CDH8: variants seen among roughly 807,000 people sequenced by gnomAD.
CDH8 encodes cadherin-8.
CDH8 carries 17 observed loss-of-function variants against 68.1 expected under a neutral mutation model. The ratio of observed to expected loss-of-function variants is 0.25; its 90% CI spans 0.17 to 0.37. The LOEUF (loss-of-function observed/expected upper bound fraction) is 0.37, where lower values mean the gene tolerates loss of function less well. Ranked by LOEUF, CDH8 falls within the 10% of genes least tolerant of loss-of-function variation. The pLI, the probability that CDH8 is intolerant of heterozygous loss-of-function variation, is 1.00. For synonymous variants in CDH8, 372 were observed against 365.1 expected, an observed-to-expected ratio of 1.02 and a Z score of -0.21; for missense variants, 763 against 999.3, an observed-to-expected ratio of 0.76 and a Z score of 3.19.
At chr16:61,908,613 G>C (rs922062342) in intron 2 of CDH8, among the ~76,000 whole-genome samples, 1 of 152,146 alleles carries the variant, frequency 6.6e-6, no homozygotes, top group African/African-American at 2.4e-5. Context: ...AGGGAGAACT[G>C]AACACCCACT....
chr16:61,788,574 A>G (rs565964140), intron 8 of CDH8, among the ~76,000 whole-genome samples: 20 of 152,160 alleles, frequency 1.3e-4, no homozygotes, highest in Middle Eastern at 3.4e-3. Context: ...TTTGTATAAT[A>G]AAAGTTGATA....
At chr16:61,661,922 C>G (rs772559447) in intron 10 of CDH8, among the ~76,000 whole-genome samples, 67 of 151,452 alleles carry the variant, frequency 4.4e-4, no homozygotes, top group Admixed American at 5.9e-4. Context: ...ATTTTGAGTA[C>G]AAGAAGTTAT....
Position 61,647,378 on chromosome 16 carries a change from T to C in CDH8, c.*6230A>G, listed in dbSNP as rs1396884042. 1 of 90,242 alleles carries C rather than the reference T, an allele frequency of 1.1e-5. No individual in the cohort carries two copies. Among genetic ancestry groups the C allele is most frequent in the East Asian group, 2.5e-4 (1 of 4,070 alleles). The allele number at this position is 90,242 out of a possible 1,614,324, so 5.6% of individuals were successfully genotyped here. A position where few individuals can be genotyped will look rare whatever the true frequency, so the allele number is the denominator to read the frequency against. On this transcript the variant is annotated 3_prime_UTR_variant, in exon 12 of 12. Transcript: ENST00000577390. ...ACTCAACAATCAGACTTGACAAAGA[T>C]GACAGCTCTCGAACTTTAGAGGTTA...
chr16:61,878,728 C>T (rs1306851178), intron 3 of CDH8, among the ~76,000 whole-genome samples: 1 of 152,138 alleles, frequency 6.6e-6, no homozygotes, highest in Non-Finnish European at 1.5e-5. Flanking sequence ...TATTGAATAT[C>T]TGCTAGGTGT....
At chr16:61,661,737 T>C (rs561023024) in intron 10 of CDH8, among the ~76,000 whole-genome samples, 1 of 151,764 alleles carries the variant, frequency 6.6e-6, no homozygotes, top group Admixed American at 6.6e-5. Context: ...AAATAAGGAT[T>C]TAAAGAGCAA....
intron 8 of CDH8, among the ~76,000 whole-genome samples, chr16:61,753,260 G>A (rs1960219802): frequency 6.9e-6 from 1 of 145,024 alleles, no homozygotes; most frequent in Non-Finnish European, 1.5e-5. Flanking sequence ...TTTTAATTGA[G>A]ATATGGTCTC....
chr16:62,029,852 C>T (rs561618115), intron 1 of CDH8, among the ~76,000 whole-genome samples: 1 of 152,296 alleles, frequency 6.6e-6, no homozygotes, highest in African/African-American at 2.4e-5. Flanking sequence ...TTGCAACTAA[C>T]TTTTTCTATT....
intron 8 of CDH8, 93 bp from the exon 9 acceptor site, chr16:61,727,308 A>G: frequency 1.5e-6 from 2 of 1,299,582 alleles, no homozygotes; most frequent in South Asian, 1.5e-5. Flanking sequence ...TCTGTTTCCA[A>G]CTTCCCTTAA....
chr16:61,996,999 G>A (rs1002604429), intron 2 of CDH8, among the ~76,000 whole-genome samples: 1 of 146,712 alleles, frequency 6.8e-6, no homozygotes, highest in Non-Finnish European at 1.5e-5. Context: ...AATATTGTGT[G>A]TATGTGTGTG....
At chr16:61,835,737 CA>C (rs1159166585) in intron 4 of CDH8, among the ~76,000 whole-genome samples, 2 of 151,834 alleles carry the variant, frequency 1.3e-5, no homozygotes, top group African/African-American at 2.4e-5. Context: ...GCCACAATTC[CA>C]ATAACTAATT....
intron 4 of CDH8, among the ~76,000 whole-genome samples, chr16:61,841,051 A>C (rs977959741): frequency 6.6e-6 from 1 of 152,226 alleles, no homozygotes; most frequent in African/African-American, 2.4e-5. Context: ...AAAACTTGCT[A>C]TGGCTGAAGA....
At chr16:61,826,071 T>C (rs1225758497) in intron 4 of CDH8, among the ~76,000 whole-genome samples, 3 of 151,830 alleles carry the variant, frequency 2.0e-5, no homozygotes, top group Non-Finnish European at 4.4e-5. Context: ...GCTGACATTT[T>C]GAGGCGCAAA....
intron 10 of CDH8, among the ~76,000 whole-genome samples, chr16:61,687,261 A>T (rs1964127893): frequency 6.6e-6 from 1 of 151,994 alleles, no homozygotes; most frequent in Non-Finnish European, 1.5e-5. Flanking sequence ...GCCAAAAAAA[A>T]ATCGGTCACA....
At chr16:61,704,968 T>C (rs923239324) in intron 10 of CDH8, among the ~76,000 whole-genome samples, 7 of 152,152 alleles carry the variant, frequency 4.6e-5, no homozygotes, top group Admixed American at 3.9e-4. Context: ...ACCAGTACAG[T>C]ATCACCTTCT....
At chr16:61,811,176 C>A (rs975241250) in intron 7 of CDH8, among the ~76,000 whole-genome samples, 4 of 151,844 alleles carry the variant, frequency 2.6e-5, no homozygotes, top group African/African-American at 9.7e-5. Flanking sequence ...GTTCAGCTGA[C>A]AATAATTGGA....
chr16:61,915,581 A>C (rs949713958), intron 2 of CDH8, among the ~76,000 whole-genome samples: 4 of 152,222 alleles, frequency 2.6e-5, no homozygotes, highest in African/African-American at 9.6e-5. Context: ...CCTGAAACCA[A>C]GGACTCCACT....
chr16:62,031,325 G>T (rs901226388), intron 1 of CDH8, among the ~76,000 whole-genome samples: 1 of 152,130 alleles, frequency 6.6e-6, no homozygotes, highest in Admixed American at 6.5e-5. Context: ...GACTTAGGAG[G>T]ACTTATGAAA....
chr16:61,713,958 C>A lies in CDH8; in HGVS notation c.1537G>T (p.Val513Phe). The A allele has an allele frequency of 6.4e-7, 1 of 1,565,202 alleles. No homozygotes were observed. Among genetic ancestry groups the A allele is most frequent in the Non-Finnish European group, 8.8e-7 (1 of 1,136,412 alleles). ...TCCATGGCGCTAACAGTTTGAATGA[C>A]CTGAAACATAAAACTTGACGTCAGC... ...FLCENGKPGQVIQTVSAMDKD... is the reference protein window; with the variant it reads ...FLCENGKPGQFIQTVSAMDKD... The change falls in exon 10 of 12, where the codon GTC becomes TTC. Residue 513 changes from valine (V) to phenylalanine (F), a missense_variant and splice_region_variant. Coordinates refer to ENST00000577390, the MANE Select transcript of CDH8 (RefSeq NM_001796.5).
intron 1 of CDH8, chr16:62,032,029 G>C (rs1902339370): frequency 6.6e-6 from 1 of 152,186 alleles, no homozygotes; most frequent in African/African-American, 2.4e-5. Flanking sequence ...AGAATGAATT[G>C]AGAAAGCACT....
Sources: allele counts gnomAD v4.1 joint callset (sites outside exome capture counted in the v4.1 genomes callset), GRCh38; gene constraint gnomAD v4.1.1; transcripts MANE v1.5; gene names NCBI Gene and HGNC (gene_info 2026-07-23, HGNC 2026-07-21).